Variants in SLC22A9 observed in about 807,000 individuals in gnomAD.
The protein encoded by SLC22A9 is organic anion transporter 7.
A neutral mutation model predicts 50.1 loss-of-function variants in SLC22A9; 64 were observed. That is an observed-to-expected ratio of 1.28 (90% CI 1.04 to 1.57). The LOEUF (loss-of-function observed/expected upper bound fraction) is 1.57, where lower values mean the gene tolerates loss of function less well. SLC22A9 is among the 40% of genes most tolerant of loss of function. The pLI is 0.00. For synonymous variants in SLC22A9, 261 were observed against 242.5 expected (o/e 1.08, Z -0.71); for missense variants, 757 against 676.1 (o/e 1.12, Z -1.33).
At chr11:63,401,137 T>C (rs958595794) in intron 6 of SLC22A9, among the ~76,000 whole-genome samples, 2 of 151,996 alleles carry the variant, frequency 1.3e-5, no homozygotes, top group African/African-American at 4.8e-5. Flanking sequence ...AATACAGTAG[T>C]GGACGTCCTA....
At chr11:63,372,245 G>C (rs979189137) in intron 2 of SLC22A9, among the ~76,000 whole-genome samples, 16 of 152,056 alleles carry the variant, frequency 1.1e-4, no homozygotes, top group African/African-American at 3.6e-4. Flanking sequence ...AATATTATGT[G>C]ATTATATGCA....
At position 63,370,387 on chromosome 11, in the gene SLC22A9, G is replaced by A. The variant is rs758419513; in HGVS notation, c.331G>A (p.Ala111Thr). 15 of 1,613,538 alleles carry A rather than the reference G, an allele frequency of 9.3e-6. No individual in the cohort carries two copies. The highest frequency in any genetic ancestry group is 8.3e-5 in the Admixed American group (5 of 59,958). ...LNGTFPNTSD[A>T]DMEPCVDGWV... ...TGGGACCTTCCCCAACACAAGTGACGCAGACATGGAGCCCTGTGTGGATGG... is the reference window on the plus strand; with the variant it reads ...TGGGACCTTCCCCAACACAAGTGACACAGACATGGAGCCCTGTGTGGATGG... The change falls in exon 1 of 10, where the codon GCA (alanine) becomes ACA (threonine). Residue 111 changes from alanine to threonine, a missense_variant. Physicochemically the swap from Ala to Thr is moderately conservative, Grantham distance 58. Coordinates refer to ENST00000279178, the MANE Select transcript of SLC22A9 (RefSeq NM_080866.3).
chr11:63,373,221 G>A (rs905426339), intron 2 of SLC22A9, among the ~76,000 whole-genome samples: 1 of 146,438 alleles, frequency 6.8e-6, no homozygotes, highest in Non-Finnish European at 1.5e-5. Flanking sequence ...TATACCCATA[G>A]CCTGCACTGT....
chr11:63,402,890 T>G (rs908021976), intron 6 of SLC22A9, among the ~76,000 whole-genome samples: 2 of 152,142 alleles, frequency 1.3e-5, no homozygotes, highest in African/African-American at 4.8e-5. Flanking sequence ...TTTAGAATAT[T>G]TGTATGTTTG....
chr11:63,394,386 G>C (rs2014815749), intron 6 of SLC22A9, among the ~76,000 whole-genome samples: 1 of 151,988 alleles, frequency 6.6e-6, no homozygotes, highest in South Asian at 2.1e-4. Context: ...TCAAGATTTA[G>C]AGGTCCTTTT....
chr11:63,386,385 C>G (rs1302300253), intron 6 of SLC22A9, among the ~76,000 whole-genome samples: 1 of 147,114 alleles, frequency 6.8e-6, no homozygotes, highest in Non-Finnish European at 1.5e-5. Flanking sequence ...GTACCAGCTC[C>G]CCTTTGTACC....
At chr11:63,387,400 TC>T (rs1209480342) in intron 6 of SLC22A9, among the ~76,000 whole-genome samples, 4 of 152,106 alleles carry the variant, frequency 2.6e-5, no homozygotes, top group Non-Finnish European at 4.4e-5. Flanking sequence ...GAAAAGACTG[TC>T]CTTTCCCCAA....
Position 63,409,995 on chromosome 11 carries a change from C to T in SLC22A9, c.*133C>T. On this transcript the variant is annotated 3_prime_UTR_variant, in exon 10 of 10. Coordinates refer to ENST00000279178, the MANE Select transcript of SLC22A9 (RefSeq NM_080866.3). ...GTGGCTCACGCCTGTAATCCCAGCA[C>T]CTTGGGAGGCTGAGGCGGGCAGATC... The T allele has an allele frequency of 3.3e-6, 3 of 907,734 alleles. No homozygotes were observed. The highest frequency in any genetic ancestry group is 5.0e-6 in the Non-Finnish European group (3 of 598,254). The allele number at this position is 907,734 out of a possible 1,614,324, so 56.2% of individuals were successfully genotyped here.
In SLC22A9 at chr11:63,408,861, T is replaced by C. The variant is rs768757372; in HGVS notation, c.1583T>C (p.Ile528Thr). Reference sequence around the variant, plus strand: ...AGGAACAAGCCTCTGTTTGACACCATCCAGGATGAGAAAAATGAGTGAGTA... The same window carrying C: ...AGGAACAAGCCTCTGTTTGACACCACCCAGGATGAGAAAAATGAGTGAGTA... The part of the protein sequence containing the change: ...ETRNKPLFDT[I>T]QDEKNERKDP... The change falls in exon 9 of 10, where the codon ATC becomes ACC. Residue 528 changes from isoleucine to threonine, a missense_variant. Ile to Thr is a moderately conservative substitution (Grantham distance 89). Transcript: ENST00000279178. 5 of 1,613,832 alleles carry C rather than the reference T, an allele frequency of 3.1e-6. No homozygotes were observed. In the East Asian group the frequency reaches 8.9e-5, roughly 29 times the overall value.
In SLC22A9 at chr11:63,373,813, T is replaced by C. The variant is rs777601936; in HGVS notation, c.661+15T>C. On this transcript the variant is annotated intron_variant, in intron 3 of 9. Transcript: ENST00000279178. ...TATTATGTTAAGTAAGCCAACACTT[T>C]GGATCCACATTTTCCAAACTGTGAC... The C allele has an allele frequency of 5.0e-6, 8 of 1,604,932 alleles. No individual in the cohort carries two copies.
At chr11:63,405,994 T>G (rs1005840107) in intron 6 of SLC22A9, among the ~76,000 whole-genome samples, 1 of 152,212 alleles carries the variant, frequency 6.6e-6, no homozygotes, top group Non-Finnish European at 1.5e-5. Flanking sequence ...TTCAGTTCTC[T>G]TTGTCACTTA....
At chr11:63,380,893 T>C (rs962429106) in intron 5 of SLC22A9, among the ~76,000 whole-genome samples, 2 of 151,856 alleles carry the variant, frequency 1.3e-5, no homozygotes, top group East Asian at 1.9e-4. Flanking sequence ...TAAAAGAGCA[T>C]TGGAATCAAA....
intron 5 of SLC22A9, among the ~76,000 whole-genome samples, chr11:63,376,957 G>A (rs1406406029): frequency 6.6e-6 from 1 of 151,952 alleles, no homozygotes; most frequent in Admixed American, 6.6e-5. Context: ...GGCAAAAGGA[G>A]AATTACATAA....
chr11:63,385,102 T>C (rs2014638421), intron 6 of SLC22A9, among the ~76,000 whole-genome samples: 2 of 126,458 alleles, frequency 1.6e-5, no homozygotes, highest in African/African-American at 5.7e-5. Context: ...ACTCTGATGA[T>C]ACAGTTTTTT....
chr11:63,374,152 G>C, intron 4 of SLC22A9, 90 bp downstream of exon 4: 5 of 1,276,398 alleles, frequency 3.9e-6, no homozygotes, highest in African/African-American at 1.5e-5. Context: ...TTTGTTCTTT[G>C]TGTAAACCTG....
intron 9 of SLC22A9, among the ~76,000 whole-genome samples, chr11:63,409,571 G>A (rs2015102659): frequency 6.6e-6 from 1 of 152,082 alleles, no homozygotes; most frequent in Non-Finnish European, 1.5e-5. Context: ...TTGCACCAAG[G>A]CGTCCAAGGA....
At chr11:63,373,440 A>G (rs535710124) in intron 2 of SLC22A9, among the ~76,000 whole-genome samples, 7 of 152,304 alleles carry the variant, frequency 4.6e-5, no homozygotes, top group Admixed American at 4.6e-4. Flanking sequence ...GAGATTGGAA[A>G]ATAAGCTTTG....
intron 6 of SLC22A9, among the ~76,000 whole-genome samples, chr11:63,405,478 A>G (rs2015021332): frequency 6.6e-6 from 1 of 152,178 alleles, no homozygotes; most frequent in Non-Finnish European, 1.5e-5. Flanking sequence ...AACGTAATAA[A>G]AACTATTGAC....
chr11:63,370,871 G>A (rs553425169), intron 1 of SLC22A9, among the ~76,000 whole-genome samples: 2 of 152,250 alleles, frequency 1.3e-5, no homozygotes, highest in African/African-American at 4.8e-5. Context: ...AGTTTTTAAA[G>A]GTCTTCAAGT....
Sources: gnomAD v4.1 joint callset for allele counts (sites outside exome capture counted in the v4.1 genomes callset) on GRCh38, gnomAD v4.1.1 for gene constraint, MANE v1.5 for transcripts, NCBI Gene and HGNC (gene_info 2026-07-23, HGNC 2026-07-21) for gene names.